Variants in PHACTR1 observed in about 807,000 individuals in gnomAD.
PHACTR1 encodes RPEL repeat containing 1.
In PHACTR1, 16 loss-of-function variants were observed where a neutral mutation model predicts 69.2. That is an observed-to-expected ratio of 0.23 (90% CI 0.16 to 0.35). The LOEUF is 0.35. Ranked by LOEUF, PHACTR1 falls within the 10% of genes least tolerant of loss-of-function variation. The pLI, the probability that PHACTR1 is intolerant of heterozygous loss-of-function variation, is 1.00. For synonymous variants in PHACTR1, 312 were observed against 284.5 expected, an observed-to-expected ratio of 1.10 and a Z score of -0.97; for missense variants, 510 against 734.7, an observed-to-expected ratio of 0.69 and a Z score of 3.54.
chr6:13,003,146 A>G (rs1263548006), intron 4 of PHACTR1, among the ~76,000 whole-genome samples: 3 of 152,192 alleles, frequency 2.0e-5, no homozygotes, highest in African/African-American at 7.2e-5. Context: ...AAAAAAGAGA[A>G]ACTGGAAGAA....
intron 5 of PHACTR1, among the ~76,000 whole-genome samples, chr6:13,078,161 G>T (rs1041984276): frequency 1.3e-5 from 2 of 151,904 alleles, no homozygotes; most frequent in African/African-American, 2.4e-5. Context: ...GTTTTTTTTG[G>T]GGGGAGTGGG....
rs555617447 is a variant in PHACTR1 at position 12,868,534 on chromosome 6, C to T, written c.250+118744C>T. On this transcript the variant is annotated intron_variant, in intron 4 of 14. Transcript: ENST00000332995. ...CAAGATGAGTGAATCAAGACTCTTT[C>T]ATCGATTTCACCAAAATAGCACTTG... is the stretch of plus-strand genomic sequence containing the variant. Among the ~76,000 whole-genome samples, 10 of 152,194 alleles carry T rather than the reference C, an allele frequency of 6.6e-5. No individual in the cohort carries two copies. In the East Asian group the frequency reaches 1.4e-3, roughly 21 times the overall value.
chr6:13,115,504 G>T (rs1342758148), intron 5 of PHACTR1, among the ~76,000 whole-genome samples: 1 of 151,924 alleles, frequency 6.6e-6, no homozygotes, highest in East Asian at 1.9e-4. Context: ...GTCTTACTTA[G>T]CATTGGCCTG....
intron 10 of PHACTR1, among the ~76,000 whole-genome samples, chr6:13,255,550 TCAAAAA>T (rs1309764274): frequency 2.0e-5 from 3 of 152,134 alleles, no homozygotes; most frequent in Admixed American, 2.0e-4. Context: ...ACCTGTAAAA[TCAAAAA>T]CAAGTTAGTT....
At chr6:12,940,541 G>C (rs1229140969) in intron 4 of PHACTR1, among the ~76,000 whole-genome samples, 1 of 152,206 alleles carries the variant, frequency 6.6e-6, no homozygotes, top group Non-Finnish European at 1.5e-5. Flanking sequence ...CGTAATAGAT[G>C]AAAAGCCTTG....
At chr6:12,950,300 G>A (rs1791136997) in intron 4 of PHACTR1, among the ~76,000 whole-genome samples, 1 of 152,222 alleles carries the variant, frequency 6.6e-6, no homozygotes, top group Non-Finnish European at 1.5e-5. Flanking sequence ...GGCTTCAAAA[G>A]CAAGGATCCC....
At chr6:13,040,099 C>T (rs1328388302) in intron 4 of PHACTR1, among the ~76,000 whole-genome samples, 1 of 152,166 alleles carries the variant, frequency 6.6e-6, no homozygotes, top group African/African-American at 2.4e-5. Flanking sequence ...ATTTCCTCTT[C>T]TCTTTCTTCA....
chr6:12,950,986 TAGAC>T (rs1791221185), intron 4 of PHACTR1, among the ~76,000 whole-genome samples: 1 of 152,186 alleles, frequency 6.6e-6, no homozygotes, highest in African/African-American at 2.4e-5. Context: ...TGGAGAGAAT[TAGAC>T]GGACCAACAA....
chr6:12,733,537 G>T (rs913232755), intron 3 of PHACTR1, among the ~76,000 whole-genome samples: 1 of 152,148 alleles, frequency 6.6e-6, no homozygotes, highest in Admixed American at 6.6e-5. Flanking sequence ...TTTCTGGAGA[G>T]AAATAGCTTA....
At chr6:12,974,447 C>G (rs1266955104) in intron 4 of PHACTR1, among the ~76,000 whole-genome samples, 1 of 152,104 alleles carries the variant, frequency 6.6e-6, no homozygotes, top group Non-Finnish European at 1.5e-5. Flanking sequence ...TATTTTAGCT[C>G]ACAAATGTCC....
chr6:13,278,642 A>T (rs1352775724), intron 12 of PHACTR1, among the ~76,000 whole-genome samples: 1 of 152,214 alleles, frequency 6.6e-6, no homozygotes, highest in Admixed American at 6.5e-5. Context: ...CCATTAAGCA[A>T]TGGGAAATTC....
At chr6:12,799,513 A>G (rs1455687484) in intron 4 of PHACTR1, among the ~76,000 whole-genome samples, 1 of 152,230 alleles carries the variant, frequency 6.6e-6, no homozygotes, top group Non-Finnish European at 1.5e-5. Context: ...GTGCTCTGAT[A>G]CTTACCAACA....
At chr6:12,820,250 C>T (rs9688815) in intron 4 of PHACTR1, among the ~76,000 whole-genome samples, 5 of 151,852 alleles carry the variant, frequency 3.3e-5, no homozygotes, top group African/African-American at 9.7e-5. Flanking sequence ...GGTGGGATCT[C>T]GGTTCACTGC....
chr6:13,232,219 G>T (rs1036372203), intron 10 of PHACTR1, among the ~76,000 whole-genome samples: 1 of 152,186 alleles, frequency 6.6e-6, no homozygotes, highest in African/African-American at 2.4e-5. Context: ...AGTGAGAAAG[G>T]TGGTGCCTAG....
chr6:12,988,479 T>C (rs951652406), intron 4 of PHACTR1, among the ~76,000 whole-genome samples: 1 of 152,212 alleles, frequency 6.6e-6, no homozygotes, highest in Non-Finnish European at 1.5e-5. Flanking sequence ...TTATCAGCGA[T>C]GCTAATAGAG....
chr6:13,091,353 T>C (rs1449784034), intron 5 of PHACTR1, among the ~76,000 whole-genome samples: 1 of 152,110 alleles, frequency 6.6e-6, no homozygotes, highest in African/African-American at 2.4e-5. Context: ...CCAAGATGAC[T>C]ATATTGGACC....
At chr6:13,054,434 G>A (rs1806465348) in intron 5 of PHACTR1, among the ~76,000 whole-genome samples, 1 of 152,176 alleles carries the variant, frequency 6.6e-6, no homozygotes, top group South Asian at 2.1e-4. Context: ...ACAAAATACT[G>A]TAGACTGGGT....
chr6:12,772,486 G>A (rs565704781), intron 4 of PHACTR1, among the ~76,000 whole-genome samples: 2 of 152,274 alleles, frequency 1.3e-5, no homozygotes, highest in Admixed American at 1.3e-4. Context: ...TCCTCTTTCT[G>A]TGGAGATTTT....
In PHACTR1 at chr6:13,179,037, A is replaced by C. The variant is rs1460581178; in HGVS notation, c.497-3482A>C. Among the ~76,000 whole-genome samples, 1 of 152,190 alleles carries C rather than the reference A, an allele frequency of 6.6e-6. No homozygotes were observed. The highest frequency in any genetic ancestry group is 1.5e-5 in the Non-Finnish European group (1 of 68,022). On this transcript the variant is annotated intron_variant, in intron 6 of 14. Coordinates refer to ENST00000332995, the MANE Select transcript of PHACTR1 (RefSeq NM_030948.6). The surrounding 1 kb of genome is among the most constrained non-coding windows in gnomAD (Gnocchi z 4.2). ...GATCACTTGAGTCAAGGAGTTCCAC[A>C]TGAGGCTGGGCAACATGGCAAAACC...
Sources: allele counts gnomAD v4.1 joint callset (sites outside exome capture counted in the v4.1 genomes callset), GRCh38; gene constraint gnomAD v4.1.1; non-coding constraint Gnocchi (gnomAD v3.1); transcripts MANE v1.5; gene names NCBI Gene and HGNC (gene_info 2026-07-23, HGNC 2026-07-21).